The following TNRC6B variants were observed in gnomAD, a reference collection of about 807,000 sequenced individuals.
TNRC6B encodes the protein trinucleotide repeat-containing gene 6B protein.
Under a neutral mutation model 203.6 loss-of-function variants are expected in TNRC6B, and 52 were observed. The ratio of observed to expected loss-of-function variants is 0.26; its 90% confidence interval spans 0.20 to 0.32. The LOEUF is 0.32. Ranked by LOEUF, TNRC6B falls within the 10% of genes least tolerant of loss-of-function variation. The pLI is 1.00. For missense variants in TNRC6B, 1,923 were observed against 2,286.2 expected (o/e 0.84, Z 3.24); for synonymous variants, 838 against 845.7 (o/e 0.99, Z 0.16).
At position 40,163,280 on chromosome 22, in the gene TNRC6B, G is replaced by A. The variant is rs576038937; in HGVS notation, c.113+7098G>A. Among the ~76,000 whole-genome samples, 6 of 149,578 alleles carry A rather than the reference G, an allele frequency of 4.0e-5. No individual in the cohort carries two copies. In the South Asian group the frequency reaches 1.1e-3, roughly 26 times the overall value. Reference sequence around the variant, plus strand: ...AATGGAAAAATTAGCTGAGCGTGTTGTTGTGTGCCGGTAGTTCCAGCTTCT... The same window carrying A: ...AATGGAAAAATTAGCTGAGCGTGTTATTGTGTGCCGGTAGTTCCAGCTTCT... On this transcript the variant is annotated intron_variant, in intron 4 of 23. Coordinates refer to the TNRC6B transcript ENST00000301923.
intron 3 of TNRC6B, among the ~76,000 whole-genome samples, chr22:40,132,491 AGGCGAGGGCGAG>A (rs536451969): frequency 1.1e-4 from 10 of 89,468 alleles, no homozygotes; most frequent in African/African-American, 1.6e-4. Context: ...AATAAAGGCG[AGGCGAGGGCGAG>A]GGCGAGGGCG....
At chr22:40,110,955 C>T (rs989597491) in intron 1 of TNRC6B, among the ~76,000 whole-genome samples, 3 of 152,158 alleles carry the variant, frequency 2.0e-5, no homozygotes, top group Non-Finnish European at 2.9e-5. Context: ...TGTGCTGGCA[C>T]TATATTGAAT....
chr22:40,103,068 T>A (rs547161519), intron 1 of TNRC6B, among the ~76,000 whole-genome samples: 2 of 150,150 alleles, frequency 1.3e-5, no homozygotes, highest in South Asian at 4.2e-4. Flanking sequence ...AGAGTGAGAG[T>A]CTGTCTCAAA....
At chr22:40,190,398 A>G (rs879781616) in intron 1 of TNRC6B, among the ~76,000 whole-genome samples, 10 of 152,238 alleles carry the variant, frequency 6.6e-5, no homozygotes, top group Middle Eastern at 3.2e-3. Context: ...AATGGCAAGT[A>G]GGTTATAAAA....
intron 3 of TNRC6B, among the ~76,000 whole-genome samples, chr22:40,152,936 A>G (rs2068772221): frequency 6.6e-6 from 1 of 151,844 alleles, no homozygotes; most frequent in African/African-American, 2.4e-5. Flanking sequence ...CCCTGTCTGT[A>G]CTAAAAATAC....
intron 3 of TNRC6B, among the ~76,000 whole-genome samples, chr22:40,131,621 G>C (rs560153077): frequency 3.8e-4 from 58 of 152,272 alleles, no homozygotes; most frequent in Admixed American, 6.5e-4. Flanking sequence ...ACACAGAATT[G>C]ACTCCTTAAA....
chr22:40,295,849 G>A (rs1011701697), intron 12 of TNRC6B, among the ~76,000 whole-genome samples: 4 of 152,130 alleles, frequency 2.6e-5, no homozygotes, highest in Non-Finnish European at 5.9e-5. Flanking sequence ...CAGAGTGGAG[G>A]TAAAAATTTT....
intron 11 of TNRC6B, among the ~76,000 whole-genome samples, chr22:40,281,548 T>C (rs1176549969): frequency 6.6e-6 from 1 of 152,050 alleles, no homozygotes; most frequent in Non-Finnish European, 1.5e-5. Flanking sequence ...TAATAAGTAA[T>C]AACTGACTAA....
At chr22:40,231,174 C>T (rs1048111613) in intron 1 of TNRC6B, among the ~76,000 whole-genome samples, 4 of 152,090 alleles carry the variant, frequency 2.6e-5, no homozygotes, top group Admixed American at 6.6e-5. Flanking sequence ...TAAGTCTTCA[C>T]GTCAGGTTGT....
intron 1 of TNRC6B, among the ~76,000 whole-genome samples, chr22:40,049,677 C>T (rs570249129): frequency 5.3e-5 from 8 of 150,960 alleles, no homozygotes; most frequent in Non-Finnish European, 1.0e-4. Context: ...GATTTTGGCT[C>T]GCTGCAACTT....
chr22:40,244,531 G>T (rs1407787470), intron 1 of TNRC6B, among the ~76,000 whole-genome samples: 1 of 150,878 alleles, frequency 6.6e-6, no homozygotes, highest in Non-Finnish European at 1.5e-5. Flanking sequence ...TTTCATCCAT[G>T]GTTCCTTTTG....
At chr22:40,170,910 T>A (rs1329087667) in intron 4 of TNRC6B, among the ~76,000 whole-genome samples, 1 of 143,096 alleles carries the variant, frequency 7.0e-6, no homozygotes, top group African/African-American at 2.6e-5. Flanking sequence ...TATATGTGCA[T>A]ATATGTGTGT....
At chr22:40,183,808 C>T (rs528484769) in intron 1 of TNRC6B, among the ~76,000 whole-genome samples, 6 of 152,026 alleles carry the variant, frequency 3.9e-5, no homozygotes, top group South Asian at 2.1e-4. Context: ...GATGCTTTTG[C>T]GTCAGCCTCC....
At chr22:40,151,084 G>C (rs2068748062) in intron 3 of TNRC6B, among the ~76,000 whole-genome samples, 1 of 152,178 alleles carries the variant, frequency 6.6e-6, no homozygotes, top group African/African-American at 2.4e-5. Context: ...GAACTTGGAG[G>C]AAACAGAGAC....
At chr22:40,253,431 G>A (rs1169870478) in intron 3 of TNRC6B, among the ~76,000 whole-genome samples, 1 of 151,760 alleles carries the variant, frequency 6.6e-6, no homozygotes, top group Non-Finnish European at 1.5e-5. Context: ...AGGGGTACCA[G>A]ACCTATTCTC....
chr22:40,186,200 G>C (rs778914728), intron 1 of TNRC6B, among the ~76,000 whole-genome samples: 5 of 152,110 alleles, frequency 3.3e-5, no homozygotes, highest in Non-Finnish European at 7.4e-5. Context: ...TAAAAAGAAC[G>C]GTGGCTCTGA....
chr22:40,151,412 G>A (rs1316269850), intron 3 of TNRC6B, among the ~76,000 whole-genome samples: 1 of 151,730 alleles, frequency 6.6e-6, no homozygotes, highest in Non-Finnish European at 1.5e-5. Context: ...AAAAATGCAC[G>A]CCTGTAATCC....
intron 1 of TNRC6B, among the ~76,000 whole-genome samples, chr22:40,209,759 G>A (rs903859603): frequency 6.6e-6 from 1 of 152,118 alleles, no homozygotes; most frequent in African/African-American, 2.4e-5. Context: ...AGTGGCTCAC[G>A]CCTGTAATCC....
intron 1 of TNRC6B, among the ~76,000 whole-genome samples, chr22:40,114,862 C>T (rs1434281990): frequency 4.6e-5 from 7 of 151,798 alleles, no homozygotes; most frequent in African/African-American, 1.2e-4. Context: ...AGGAATTTGC[C>T]GCTATTTATA....
Sources: allele counts gnomAD v4.1 joint callset (sites outside exome capture counted in the v4.1 genomes callset), GRCh38; gene constraint gnomAD v4.1.1; transcripts MANE v1.5; gene names NCBI Gene and HGNC (gene_info 2026-07-23, HGNC 2026-07-21).